The following TRIO variants were observed in gnomAD, a reference collection of about 807,000 sequenced individuals.
The protein encoded by TRIO is trio Rho guanine nucleotide exchange factor.
Under a neutral mutation model 351.9 loss-of-function variants are expected in TRIO, and 58 were observed. The ratio of observed to expected loss-of-function variants is 0.16; its 90% confidence interval spans 0.13 to 0.21. The LOEUF (loss-of-function observed/expected upper bound fraction) is 0.21, where lower values mean the gene tolerates loss of function less well. Among genes scored for constraint, TRIO ranks in the 10% least tolerant of loss-of-function variants. The probability of loss-of-function intolerance (pLI) is 1.00; values close to 1 mark genes in which losing one functional copy is unlikely to be tolerated. For missense variants in TRIO, 3,201 were observed against 4,027.8 expected (o/e 0.79, Z 5.56); for synonymous variants, 1,758 against 1,595.7 (o/e 1.10, Z -2.42).
chr5:14,182,866 C>G (rs28452733), intron 1 of TRIO, among the ~76,000 whole-genome samples: 11 of 53,334 alleles, frequency 2.1e-4, no homozygotes, highest in African/African-American at 4.2e-4. Flanking sequence ...GTGGAGACCC[C>G]CCCCCCTCCA....
At chr5:14,303,603 A>T (rs951735543) in intron 7 of TRIO, among the ~76,000 whole-genome samples, 1 of 137,410 alleles carries the variant, frequency 7.3e-6, no homozygotes, top group African/African-American at 2.8e-5. Flanking sequence ...TTGGGATGGC[A>T]GCTGCAGGAA....
intron 29 of TRIO, among the ~76,000 whole-genome samples, 186 bp from the exon 30 acceptor site, chr5:14,398,694 G>A (rs1409675875): frequency 6.6e-6 from 1 of 152,346 alleles, no homozygotes; most frequent in Middle Eastern, 3.4e-3. Context: ...GTAAAGTGGT[G>A]TGTTAGGAAG....
chr5:14,268,719 C>T (rs1795829859), intron 1 of TRIO, among the ~76,000 whole-genome samples: 1 of 152,266 alleles, frequency 6.6e-6, no homozygotes, highest in South Asian at 2.1e-4. Context: ...GGTCCCATAG[C>T]ACTTCGTGCT....
intron 53 of TRIO, among the ~76,000 whole-genome samples, chr5:14,500,049 T>TAAAAA (rs759222831): frequency 1.3e-5 from 1 of 77,108 alleles, no homozygotes; most frequent in African/African-American, 4.5e-5. Context: ...AGACTCTGTC[T>TAAAAA]CAAAAAAAAA....
At chr5:14,409,109 C>T (rs1253219059) in intron 33 of TRIO, among the ~76,000 whole-genome samples, 1 of 152,106 alleles carries the variant, frequency 6.6e-6, no homozygotes, top group Non-Finnish European at 1.5e-5. Context: ...CGACTTATCT[C>T]CTGCGTGTGG....
chr5:14,186,349 A>G lies in TRIO; in HGVS notation c.157+42467A>G, dbSNP rs1251638617. 2.0e-5 allele frequency among the ~76,000 whole-genome samples: 3 copies of G among 152,286 alleles called. No homozygotes were observed. The East Asian group carries it at 5.8e-4, about 29-fold the overall frequency. ...CCAGTGGATATTAAAGAACTCCAAA[A>G]ACATGCTTCAAGATAGTTTTTCCAC... On this transcript the variant is annotated intron_variant, in intron 1 of 56. Coordinates refer to ENST00000344204, the MANE Select transcript of TRIO (RefSeq NM_007118.4).
intron 1 of TRIO, among the ~76,000 whole-genome samples, chr5:14,251,394 A>G (rs1794738260): frequency 1.3e-5 from 2 of 152,344 alleles, no homozygotes; most frequent in African/African-American, 2.4e-5. Flanking sequence ...TAACTCCTGT[A>G]TAATTAAAAA....
At chr5:14,461,461 T>G in intron 35 of TRIO, 150 bp downstream of exon 35, 1 of 1,157,776 alleles carries the variant, frequency 8.6e-7, no homozygotes, top group Non-Finnish European at 1.2e-6. Context: ...CTTAGCAGAC[T>G]GAGATTTAGT....
intron 1 of TRIO, among the ~76,000 whole-genome samples, chr5:14,197,481 C>T (rs1435064213): frequency 6.6e-6 from 1 of 152,138 alleles, no homozygotes; most frequent in African/African-American, 2.4e-5. Flanking sequence ...TTTAAATACT[C>T]TGATTTTTAA....
At chr5:14,220,017 C>T (rs1197412636) in intron 1 of TRIO, among the ~76,000 whole-genome samples, 3 of 135,138 alleles carry the variant, frequency 2.2e-5, no homozygotes, top group Non-Finnish European at 3.2e-5. Context: ...ACAGATACTG[C>T]GGGGTTTTTT....
intron 54 of TRIO, 49 bp downstream of exon 54, chr5:14,502,706 A>G (rs774608527): frequency 6.4e-7 from 1 of 1,564,268 alleles, no homozygotes; most frequent in Non-Finnish European, 8.8e-7. Flanking sequence ...AGCGTGGGGA[A>G]GACATACCAG....
In TRIO at chr5:14,143,805, G is replaced by T. The variant is rs1188365621; in HGVS notation, c.80G>T (p.Gly27Val). The change falls in exon 1 of 57, where the codon GGC becomes GTC. Residue 27 changes from glycine (G) to valine (V), a missense_variant. Transcript: ENST00000344204. Reference sequence around the variant, plus strand: ...GCGGCGGCCAGCGCGGCTGGCTCGGGCTGCGGGGGCGGTGCCGGCGAGGGG... The same window carrying T: ...GCGGCGGCCAGCGCGGCTGGCTCGGTCTGCGGGGGCGGTGCCGGCGAGGGG... ...PAAAASAAGSGCGGGAGEGAE... is the reference protein window; with the variant it reads ...PAAAASAAGSVCGGGAGEGAE... 3 of 1,052,046 alleles carry T rather than the reference G, an allele frequency of 2.9e-6. No homozygotes were observed. Among genetic ancestry groups the T allele is most frequent in the Non-Finnish European group, 3.4e-6 (3 of 875,084 alleles). The allele number at this position is 1,052,046 out of a possible 1,614,324, so 65.2% of individuals were successfully genotyped here.
At chr5:14,182,559 A>T (rs968208213) in intron 1 of TRIO, among the ~76,000 whole-genome samples, 4 of 152,218 alleles carry the variant, frequency 2.6e-5, no homozygotes, top group African/African-American at 9.6e-5. Flanking sequence ...TCTATGCCTT[A>T]ATTTTGTTGA....
intron 42 of TRIO, 149 bp from the exon 43 acceptor site, chr5:14,479,770 G>T: frequency 1.7e-6 from 1 of 598,156 alleles, no homozygotes; most frequent in Non-Finnish European, 2.7e-6. Flanking sequence ...TGGAAATTCT[G>T]TGAACTAGCA....
intron 39 of TRIO, among the ~76,000 whole-genome samples, 197 bp from the exon 40 acceptor site, chr5:14,473,797 A>G (rs1054539164): frequency 1.9e-4 from 29 of 152,216 alleles, no homozygotes; most frequent in Non-Finnish European, 3.4e-4. Context: ...AATTACAGCA[A>G]TGAATGTAAT....
At position 14,489,202 on chromosome 5, in the gene TRIO, C is replaced by T. The variant is rs1579810843; in HGVS notation, c.7632+942C>T. 11 of 567,904 alleles carry T rather than the reference C, an allele frequency of 1.9e-5. No homozygotes were observed. In the East Asian group the frequency reaches 2.3e-4, roughly 12 times the overall value. 35.2% of individuals were successfully genotyped at this position (567,904 alleles called of 1,614,324 possible). ...CTAGCTTTTGCATGTCTTTCTCTTTCCTCTGGACTTATTAATGCCTTAATT... is the reference window on the plus strand; with the variant it reads ...CTAGCTTTTGCATGTCTTTCTCTTTTCTCTGGACTTATTAATGCCTTAATT... On this transcript the variant is annotated intron_variant, in intron 48 of 56. Coordinates refer to ENST00000344204, the MANE Select transcript of TRIO (RefSeq NM_007118.4).
At chr5:14,260,990 A>G (rs1438853109) in intron 1 of TRIO, among the ~76,000 whole-genome samples, 1 of 152,158 alleles carries the variant, frequency 6.6e-6, no homozygotes, top group African/African-American at 2.4e-5. Flanking sequence ...TTGCGGCTTC[A>G]GTGACTAGTA....
chr5:14,280,702 G>A (rs920705409), intron 3 of TRIO, among the ~76,000 whole-genome samples: 3 of 152,134 alleles, frequency 2.0e-5, no homozygotes, highest in African/African-American at 7.2e-5. Flanking sequence ...AGGATGTGGC[G>A]CCTGAGTTAG....
chr5:14,502,549 A>G, intron 53 of TRIO, 30 bp from the exon 54 acceptor site: 6 of 1,613,040 alleles, frequency 3.7e-6, no homozygotes, highest in Non-Finnish European at 5.1e-6. Flanking sequence ...CACGGGAAAC[A>G]AGCTCAGGCA....
Sources: gnomAD v4.1 joint callset for allele counts (sites outside exome capture counted in the v4.1 genomes callset) on GRCh38, gnomAD v4.1.1 for gene constraint, MANE v1.5 for transcripts, NCBI Gene and HGNC (gene_info 2026-07-23, HGNC 2026-07-21) for gene names.